The following NELL2 variants were observed in gnomAD, a reference collection of about 807,000 sequenced individuals.
NELL2 encodes the protein neural EGFL like 2.
A neutral mutation model predicts 109.6 loss-of-function variants in NELL2; 41 were observed. That is an observed-to-expected ratio of 0.37 (90% CI 0.29 to 0.49). NELL2 has a LOEUF of 0.49. NELL2 is among the 20% of genes least tolerant of loss of function. The pLI is 0.98. For missense variants in NELL2, 900 were observed against 1,008.3 expected (o/e 0.89, Z 1.45); for synonymous variants, 355 against 344.7 (o/e 1.03, Z -0.33).
intron 15 of NELL2, among the ~76,000 whole-genome samples, chr12:44,583,750 G>A (rs1944402631): frequency 6.6e-6 from 1 of 152,088 alleles, no homozygotes; most frequent in Admixed American, 6.6e-5. Flanking sequence ...CCCCCATCAT[G>A]GCTCAAATAC....
At chr12:44,672,482 A>T (rs1948173310) in intron 12 of NELL2, among the ~76,000 whole-genome samples, 1 of 152,168 alleles carries the variant, frequency 6.6e-6, no homozygotes, top group South Asian at 2.1e-4. Context: ...CCGTGGAAAA[A>T]TTGTGTTCCA....
At chr12:44,757,375 T>C (rs1277198607) in intron 9 of NELL2, among the ~76,000 whole-genome samples, 2 of 152,122 alleles carry the variant, frequency 1.3e-5, no homozygotes, top group Non-Finnish European at 2.9e-5. Flanking sequence ...ATACTCCCGT[T>C]TAAAACCCTT....
At chr12:44,535,139 C>T (rs966646209) in intron 15 of NELL2, among the ~76,000 whole-genome samples, 1 of 151,832 alleles carries the variant, frequency 6.6e-6, no homozygotes, top group African/African-American at 2.4e-5. Context: ...CATGTGCCTG[C>T]CCATAATGTA....
intron 12 of NELL2, among the ~76,000 whole-genome samples, chr12:44,674,207 A>G (rs1319694789): frequency 6.6e-6 from 1 of 152,200 alleles, no homozygotes; most frequent in Non-Finnish European, 1.5e-5. Flanking sequence ...TGATATAAAT[A>G]ATTTTCTGAC....
chr12:44,913,688 C>T (rs1945803338), intron 1 of NELL2: 1 of 459,100 alleles, frequency 2.2e-6, no homozygotes, highest in Non-Finnish European at 3.9e-6. Flanking sequence ...CAATATGATT[C>T]ACATCAAAAC....
intron 12 of NELL2, among the ~76,000 whole-genome samples, chr12:44,697,062 A>G (rs541730713): frequency 6.6e-6 from 1 of 152,344 alleles, no homozygotes; most frequent in Non-Finnish European, 1.5e-5. Flanking sequence ...CAACTTTAAC[A>G]TAGGCTAATA....
At chr12:44,829,042 T>C (rs1943804593) in intron 2 of NELL2, among the ~76,000 whole-genome samples, 1 of 152,172 alleles carries the variant, frequency 6.6e-6, no homozygotes, top group South Asian at 2.1e-4. Flanking sequence ...CAGAACCTCA[T>C]CAGCCAAGTT....
upstream of NELL2, chr12:44,876,741 G>T: frequency 6.6e-7 from 1 of 1,519,526 alleles, no homozygotes; most frequent in Non-Finnish European, 8.8e-7. Context: ...CTCGTGCACT[G>T]GGCTCCGGAG....
intron 1 of NELL2, among the ~76,000 whole-genome samples, chr12:44,890,261 AG>A (rs762564965): frequency 6.6e-6 from 1 of 152,200 alleles, no homozygotes; most frequent in Non-Finnish European, 1.5e-5. Flanking sequence ...GGTGCTGTTC[AG>A]GTCATCCTTA....
chr12:44,516,510 G>A (rs1485284625), intron 19 of NELL2, among the ~76,000 whole-genome samples: 1 of 152,114 alleles, frequency 6.6e-6, no homozygotes, highest in Non-Finnish European at 1.5e-5. Flanking sequence ...TTTTACTATA[G>A]TATGTGAAAA....
At chr12:44,747,758 T>A (rs779157398) in intron 9 of NELL2, among the ~76,000 whole-genome samples, 1 of 152,138 alleles carries the variant, frequency 6.6e-6, no homozygotes, top group South Asian at 2.1e-4. Context: ...TGCCATGACA[T>A]ATGCTGCGCT....
At chr12:44,733,164 G>A (rs985650807) in intron 9 of NELL2, among the ~76,000 whole-genome samples, 3 of 151,846 alleles carry the variant, frequency 2.0e-5, no homozygotes, top group African/African-American at 7.2e-5. Flanking sequence ...TCAAAAAATT[G>A]AAAATAAAAC....
intron 2 of NELL2, among the ~76,000 whole-genome samples, chr12:44,818,282 C>T (rs946017960): frequency 6.6e-6 from 1 of 152,170 alleles, no homozygotes. Flanking sequence ...GTGAATCATT[C>T]ACAAACTACA....
At chr12:44,764,844 AAGAG>A (rs1173729028) in intron 9 of NELL2, among the ~76,000 whole-genome samples, 1 of 151,842 alleles carries the variant, frequency 6.6e-6, no homozygotes, top group Admixed American at 6.6e-5. Flanking sequence ...TAAGATCAAA[AAGAG>A]AGAGAGAGAG....
chr12:44,884,102 A>T (rs1392643085), intron 1 of NELL2, among the ~76,000 whole-genome samples: 1 of 151,768 alleles, frequency 6.6e-6, no homozygotes, highest in East Asian at 1.9e-4. Context: ...TAATGAGGTA[A>T]GTTAAAGGTA....
At chr12:44,624,977 A>AAT (rs200003564) in intron 13 of NELL2, among the ~76,000 whole-genome samples, 1 of 131,318 alleles carries the variant, frequency 7.6e-6, no homozygotes, top group Middle Eastern at 4.1e-3. Context: ...GAAGATGACA[A>AAT]ATATATATAT....
intron 3 of NELL2, among the ~76,000 whole-genome samples, chr12:44,791,130 T>C (rs1404028714): frequency 1.2e-4 from 9 of 77,094 alleles, no homozygotes; most frequent in African/African-American, 4.1e-4. Context: ...TGTATATATA[T>C]ATATACACAC....
At chr12:44,691,346 G>A (rs1012338567) in intron 12 of NELL2, among the ~76,000 whole-genome samples, 2 of 151,970 alleles carry the variant, frequency 1.3e-5, no homozygotes, top group Admixed American at 6.6e-5. Context: ...TTTACTATTC[G>A]AATTCTCCTA....
chr12:44,785,984 C>T (rs1239677235), intron 3 of NELL2, among the ~76,000 whole-genome samples: 1 of 151,024 alleles, frequency 6.6e-6, no homozygotes, highest in Non-Finnish European at 1.5e-5. Context: ...GACTTCATGA[C>T]TAAAACACCA....
Sources: allele counts gnomAD v4.1 joint callset (sites outside exome capture counted in the v4.1 genomes callset), GRCh38; gene constraint gnomAD v4.1.1; transcripts MANE v1.5; gene names NCBI Gene and HGNC (gene_info 2026-07-23, HGNC 2026-07-21).